The following LRBA variants were observed in gnomAD, a reference collection of about 807,000 sequenced individuals.
LRBA encodes lipopolysaccharide-responsive and beige-like anchor protein.
In LRBA, 176 loss-of-function variants were observed where a neutral mutation model predicts 330.0. The observed-to-expected ratio is 0.53, with a 90% CI of 0.47 to 0.60. LRBA has a LOEUF of 0.60. Among genes scored for constraint, LRBA ranks in the 20% least tolerant of loss-of-function variants. The pLI is 0.00. For missense variants in LRBA, 3,259 were observed against 3,444.8 expected, an observed-to-expected ratio of 0.95 and a Z score of 1.35; for synonymous variants, 1,230 against 1,193.0, an observed-to-expected ratio of 1.03 and a Z score of -0.64.
At chr4:150,952,495 C>T (rs969069996) in intron 2 of LRBA, among the ~76,000 whole-genome samples, 5 of 151,732 alleles carry the variant, frequency 3.3e-5, no homozygotes, top group Non-Finnish European at 7.4e-5. Context: ...CTGCTTTAAA[C>T]AATAAAAAAA....
intron 44 of LRBA, among the ~76,000 whole-genome samples, chr4:150,448,390 G>T (rs575111155): frequency 5.2e-4 from 79 of 152,314 alleles, no homozygotes; most frequent in African/African-American, 1.7e-3. Context: ...GAGAGCTGAG[G>T]TAAAAGACAA....
chr4:150,787,916 C>A (rs1739312235), intron 34 of LRBA, among the ~76,000 whole-genome samples: 1 of 152,150 alleles, frequency 6.6e-6, no homozygotes, highest in Admixed American at 6.5e-5. Context: ...GCGCAAATAT[C>A]TCTTTGATAT....
chr4:150,628,676 A>C (rs1025806056), intron 37 of LRBA, among the ~76,000 whole-genome samples: 7 of 152,194 alleles, frequency 4.6e-5, no homozygotes, highest in African/African-American at 1.7e-4. Flanking sequence ...AAAGTTTTGA[A>C]AGAAAGAAGT....
Position 151,014,407 on chromosome 4 carries a change from T to C in LRBA, c.216+20A>G. On this transcript the variant is annotated intron_variant, in intron 2 of 56. Transcript: ENST00000651943. ...ACCCACTGAAAAGAGTATATGCTTA[T>C]AAAATATTCATGGACTTACCAGGTT... 2 of 1,591,888 alleles carry C rather than the reference T, an allele frequency of 1.3e-6. No homozygotes were observed. Among genetic ancestry groups the C allele is most frequent in the African/African-American group, 1.3e-5 (1 of 74,596 alleles).
chr4:150,945,010 C>G (rs1159941977), intron 2 of LRBA, among the ~76,000 whole-genome samples: 1 of 152,194 alleles, frequency 6.6e-6, no homozygotes, highest in African/African-American at 2.4e-5. Flanking sequence ...TGGGGCCTCC[C>G]CAGCAATGTG....
rs1732567835 is a variant in LRBA at position 150,321,928 on chromosome 4, A to T, written c.7453-560T>A. ...AATAGTTAGACTGCATGCATATATTATTACAGTAGAGAAATAACTTATGAA... is the reference window on the plus strand; with the variant it reads ...AATAGTTAGACTGCATGCATATATTTTTACAGTAGAGAAATAACTTATGAA... On this transcript the variant is annotated intron_variant, in intron 49 of 56. Coordinates refer to ENST00000651943, the MANE Select transcript of LRBA (RefSeq NM_001364905.1). This position sits in a 1 kb window ranked among gnomAD's most constrained non-coding sequence, Gnocchi z 4.5. 6.6e-6 allele frequency among the ~76,000 whole-genome samples: 1 copy of T among 152,214 alleles called. No individual in the cohort carries two copies. The highest frequency in any genetic ancestry group is 1.9e-4 in the East Asian group (1 of 5,200).
chr4:150,792,612 G>T (rs541795458), intron 34 of LRBA, among the ~76,000 whole-genome samples: 1 of 152,106 alleles, frequency 6.6e-6, no homozygotes, highest in Non-Finnish European at 1.5e-5. Flanking sequence ...GGGCTCAAGC[G>T]ATCCTGCTGC....
chr4:150,851,229 T>C (rs1015986846), intron 23 of LRBA, among the ~76,000 whole-genome samples: 2 of 152,154 alleles, frequency 1.3e-5, no homozygotes, highest in Non-Finnish European at 2.9e-5. Flanking sequence ...AAGGCAGTAT[T>C]TAGAATCTAA....
chr4:150,483,261 G>A (rs1757500337), intron 42 of LRBA, among the ~76,000 whole-genome samples: 1 of 151,872 alleles, frequency 6.6e-6, no homozygotes, highest in South Asian at 2.1e-4. Context: ...TCCCCCCTGG[G>A]CATACCTTGA....
chr4:150,745,457 A>G (rs1358352612), intron 35 of LRBA, among the ~76,000 whole-genome samples: 4 of 152,194 alleles, frequency 2.6e-5, no homozygotes, highest in Non-Finnish European at 5.9e-5. Context: ...AAAAAGAGAA[A>G]GATACTTCAG....
chr4:150,714,755 C>T (rs925208707), intron 36 of LRBA, among the ~76,000 whole-genome samples: 2 of 152,006 alleles, frequency 1.3e-5, no homozygotes, highest in Non-Finnish European at 2.9e-5. Flanking sequence ...TTAATTTTTG[C>T]TCATTAAAAT....
At chr4:150,972,569 T>C (rs1410358785) in intron 2 of LRBA, among the ~76,000 whole-genome samples, 3 of 152,188 alleles carry the variant, frequency 2.0e-5, no homozygotes, top group East Asian at 3.8e-4. Flanking sequence ...ATATGTAAAA[T>C]ATTACATATC....
chr4:150,835,543 A>G (rs1014410703), intron 28 of LRBA, among the ~76,000 whole-genome samples: 4 of 152,130 alleles, frequency 2.6e-5, no homozygotes, highest in African/African-American at 9.6e-5. Flanking sequence ...TTGGATTCCT[A>G]GGTATTTTAT....
chr4:150,666,648 T>C (rs1173326401), intron 37 of LRBA, among the ~76,000 whole-genome samples: 1 of 152,222 alleles, frequency 6.6e-6, no homozygotes, highest in Non-Finnish European at 1.5e-5. Context: ...ATGCAAATAC[T>C]ATACCATTTT....
At chr4:150,905,723 C>T in intron 13 of LRBA, 115 bp downstream of exon 13, 3 of 878,550 alleles carry the variant, frequency 3.4e-6, no homozygotes, top group Non-Finnish European at 5.1e-6. Flanking sequence ...AAGCAATCCA[C>T]TGAAGTCTTG....
intron 36 of LRBA, among the ~76,000 whole-genome samples, chr4:150,725,619 C>G (rs1396697156): frequency 6.6e-6 from 1 of 152,120 alleles, no homozygotes; most frequent in African/African-American, 2.4e-5. Flanking sequence ...CAAGGATGTT[C>G]ATGAGCAAGA....
intron 35 of LRBA, among the ~76,000 whole-genome samples, chr4:150,750,702 G>A (rs766024971): frequency 1.3e-5 from 2 of 151,812 alleles, no homozygotes; most frequent in African/African-American, 2.4e-5. Context: ...CAAAGTGCTG[G>A]GATTACAGGA....
intron 44 of LRBA, among the ~76,000 whole-genome samples, chr4:150,458,977 A>AT (rs892137898): frequency 1.7e-4 from 26 of 152,098 alleles, no homozygotes; most frequent in African/African-American, 6.3e-4. Flanking sequence ...CATATAGACC[A>AT]TAAGTAGTGA....
At chr4:150,981,162 C>A (rs181811308) in intron 2 of LRBA, among the ~76,000 whole-genome samples, 86 of 151,614 alleles carry the variant, frequency 5.7e-4, no homozygotes, top group African/African-American at 2.0e-3. Flanking sequence ...GCCTGTAATC[C>A]CAGCACTTTG....
Sources: gnomAD v4.1 joint callset for allele counts (sites outside exome capture counted in the v4.1 genomes callset) on GRCh38, gnomAD v4.1.1 for gene constraint, Gnocchi (gnomAD v3.1) non-coding constraint, MANE v1.5 for transcripts, NCBI Gene and HGNC (gene_info 2026-07-23, HGNC 2026-07-21) for gene names.